METTL22: variants seen among roughly 807,000 people sequenced by gnomAD.
The protein encoded by METTL22 is methyltransferase-like protein 22.
Under a neutral mutation model 48.4 loss-of-function variants are expected in METTL22, and 51 were observed. The ratio of observed to expected loss-of-function variants is 1.05; its 90% CI spans 0.84 to 1.33. The LOEUF is 1.33. Among genes scored for constraint, METTL22 ranks in the 40% most tolerant of loss-of-function variants. The pLI is 0.00. For synonymous variants in METTL22, 255 were observed against 214.1 expected, an observed-to-expected ratio of 1.19 and a Z score of -1.67; for missense variants, 678 against 526.9, an observed-to-expected ratio of 1.29 and a Z score of -2.81.
chr16:8,629,776 A>G (rs12708748), intron 3 of METTL22, among the ~76,000 whole-genome samples: 126,537 of 152,030 alleles, frequency 0.83, 53,470 homozygotes, highest in East Asian at 1. Flanking sequence ...TTTGAAATCT[A>G]GGGACCTGGC....
At chr16:8,622,179 C>T (rs8062874) in intron 1 of METTL22, among the ~76,000 whole-genome samples, 139,005 of 152,136 alleles carry the variant, frequency 0.91, 63,660 homozygotes, top group African/African-American at 0.97. Context: ...TCTTTCCTGC[C>T]CCCAGCCTGG....
At chr16:8,643,444 TC>T (rs1428853708) in intron 9 of METTL22, among the ~76,000 whole-genome samples, 1 of 152,176 alleles carries the variant, frequency 6.6e-6, no homozygotes. Flanking sequence ...GTCTTCATCT[TC>T]TTGAGACACA....
chr16:8,622,790 T>A (rs796515774), intron 1 of METTL22, among the ~76,000 whole-genome samples: 1 of 152,306 alleles, frequency 6.6e-6, no homozygotes, highest in African/African-American at 2.4e-5. Flanking sequence ...GATAGCTGAT[T>A]CTAGGGAAAG....
downstream of METTL22, among the ~76,000 whole-genome samples, chr16:8,652,363 G>A (rs1175031810): frequency 1.3e-5 from 2 of 149,470 alleles, no homozygotes; most frequent in Non-Finnish European, 2.9e-5. Flanking sequence ...GGAGGCTGAG[G>A]CACAAGAATC....
chr16:8,656,692 C>A, the METTL22 span, among the ~76,000 whole-genome samples: 1 of 152,234 alleles, frequency 6.6e-6, no homozygotes, highest in African/African-American at 2.4e-5. Flanking sequence ...TGCCCTGCGG[C>A]TCCAATGCCC....
chr16:8,652,080 A>C (rs1449649993), downstream of METTL22, among the ~76,000 whole-genome samples: 1 of 152,136 alleles, frequency 6.6e-6, no homozygotes, highest in African/African-American at 2.4e-5. Context: ...GCTCCACTCC[A>C]CTTCCACGGG....
At chr16:8,658,915 C>T in the METTL22 span, among the ~76,000 whole-genome samples, 1 of 152,224 alleles carries the variant, frequency 6.6e-6, no homozygotes, top group African/African-American at 2.4e-5. Flanking sequence ...GAATGCACCA[C>T]TCTCTTGGCC....
chr16:8,631,576 T>C (rs1371463530), intron 3 of METTL22: 1 of 152,202 alleles, frequency 6.6e-6, no homozygotes, highest in Non-Finnish European at 1.5e-5. Flanking sequence ...GTTCCGTAAA[T>C]GTAAGCCTCT....
At chr16:8,638,237 A>G (rs4985081) in intron 5 of METTL22, among the ~76,000 whole-genome samples, 150,295 of 152,212 alleles carry the variant, frequency 0.99, 74,236 homozygotes, top group Middle Eastern at 1. Flanking sequence ...TCCCTTCTGC[A>G]AGCAGGGAGC....
chr16:8,635,416 T>C (rs749981090), intron 5 of METTL22, 104 bp downstream of exon 5: 6 of 1,386,840 alleles, frequency 4.3e-6, no homozygotes, highest in South Asian at 1.6e-5. Flanking sequence ...GGATGTTAGC[T>C]GTTGTTGATT....
intron 7 of METTL22, chr16:8,641,389 A>G: frequency 1.5e-6 from 1 of 659,768 alleles, no homozygotes; most frequent in Non-Finnish European, 2.8e-6. Context: ...CCTCACGTTC[A>G]TTTTCTTCTC....
chr16:8,640,946 G>GGGTGGA (rs1332913099), intron 6 of METTL22, among the ~76,000 whole-genome samples, 185 bp from the exon 7 acceptor site: 3 of 35,282 alleles, frequency 8.5e-5, no homozygotes, highest in South Asian at 1.7e-3. Flanking sequence ...GGATGGATGG[G>GGGTGGA]TGGGTGGATG....
downstream of METTL22, among the ~76,000 whole-genome samples, chr16:8,653,346 G>C (rs1044402669): frequency 6.6e-6 from 1 of 152,194 alleles, no homozygotes; most frequent in Non-Finnish European, 1.5e-5. Flanking sequence ...GATTGAAAGA[G>C]ACCTATGGAG....
intron 10 of METTL22, 167 bp from the exon 11 acceptor site, chr16:8,645,941 G>A (rs1381286985): frequency 1.6e-6 from 2 of 1,261,312 alleles, no homozygotes; most frequent in Non-Finnish European, 2.0e-6. Flanking sequence ...ACAGCCCAGA[G>A]CAACAAAGAA....
Position 8,622,916 on chromosome 16 carries a change from T to C in METTL22, c.-171+1141T>C, listed in dbSNP as rs375317717. ...TTCAACTAGAGATTAAGAATTTGAG[T>C]TTTTTTGTGTGTGTCTATACTTAAA... is the stretch of plus-strand genomic sequence containing the variant. On this transcript the variant is annotated intron_variant, in intron 1 of 10. Transcript: ENST00000381920. 2.0e-5 allele frequency among the ~76,000 whole-genome samples: 3 copies of C among 152,198 alleles called. 1 individual carries two copies. The highest frequency in any genetic ancestry group is 4.1e-4 in the South Asian group (2 of 4,832).
the METTL22 span, among the ~76,000 whole-genome samples, chr16:8,656,103 G>A: frequency 6.6e-6 from 1 of 152,188 alleles, no homozygotes; most frequent in South Asian, 2.1e-4. Flanking sequence ...GACAGGTCTC[G>A]CCATGTTGCC....
chr16:8,632,533 T>G (rs2056298827), intron 3 of METTL22, among the ~76,000 whole-genome samples: 1 of 152,258 alleles, frequency 6.6e-6, no homozygotes, highest in Middle Eastern at 3.4e-3. Flanking sequence ...TAATTAGATG[T>G]TTTTTTCTCA....
rs781775917 is a variant in METTL22 at position 8,642,225 on chromosome 16, T to G, written c.907+18T>G. 1.9e-6 allele frequency: 3 copies of G among 1,595,502 alleles called. No individual in the cohort carries two copies. The Admixed American group carries it at 5.0e-5, about 27-fold the overall frequency. On this transcript the variant is annotated intron_variant, in intron 8 of 10. Transcript: ENST00000381920. ...AGCCGAAGGTAAGAAAATTTCTCCT[T>G]CGCCGTACACGTCCTTTGTTGTAGC...
At chr16:8,633,005 A>G (rs1164427440) in intron 3 of METTL22, among the ~76,000 whole-genome samples, 4 of 152,074 alleles carry the variant, frequency 2.6e-5, no homozygotes, top group Non-Finnish European at 5.9e-5. Context: ...TAGGGAGCAG[A>G]TGGCAAGGAG....
Sources: allele counts gnomAD v4.1 joint callset (sites outside exome capture counted in the v4.1 genomes callset), GRCh38; gene constraint gnomAD v4.1.1; transcripts MANE v1.5; gene names NCBI Gene and HGNC (gene_info 2026-07-23, HGNC 2026-07-21).